Variants in ZNG1B observed in about 807,000 individuals in gnomAD.
The protein encoded by ZNG1B is zinc-regulated GTPase metalloprotein activator 1B.
chr2:113,487,266 G>T, the ZNG1B span, among the ~76,000 whole-genome samples: 1 of 151,942 alleles, frequency 6.6e-6, no homozygotes, highest in Non-Finnish European at 1.5e-5. Context: ...TAGGTGTGTA[G>T]TAGGTTATAC....
At chr2:113,490,701 C>A in the ZNG1B span, among the ~76,000 whole-genome samples, 1 of 152,004 alleles carries the variant, frequency 6.6e-6, no homozygotes, top group Admixed American at 6.6e-5. Context: ...ACTATGAACA[C>A]CTTTACATGC....
At chr2:113,487,870 T>C in the ZNG1B span, among the ~76,000 whole-genome samples, 1 of 151,764 alleles carries the variant, frequency 6.6e-6, no homozygotes, top group Non-Finnish European at 1.5e-5. Flanking sequence ...TGAACCTTTT[T>C]TTAGTCTGCT....
the ZNG1B span, among the ~76,000 whole-genome samples, chr2:113,492,198 T>A: frequency 7.1e-6 from 1 of 140,152 alleles, no homozygotes; most frequent in South Asian, 2.4e-4. Context: ...CGCATGTTTA[T>A]AGCAGCACAA....
At chr2:113,471,943 A>G in the ZNG1B span, among the ~76,000 whole-genome samples, 4 of 92,890 alleles carry the variant, frequency 4.3e-5, no homozygotes, top group Admixed American at 2.7e-4. Context: ...CAATAAACAT[A>G]TGTGTGCATA....
chr2:113,483,242 G>A, the ZNG1B span, among the ~76,000 whole-genome samples: 57 of 150,786 alleles, frequency 3.8e-4, no homozygotes, highest in African/African-American at 1.2e-3. Flanking sequence ...CAAACGCAGC[G>A]CTCACTTTCC....
At chr2:113,489,886 AT>A in the ZNG1B span, among the ~76,000 whole-genome samples, 1 of 148,056 alleles carries the variant, frequency 6.8e-6, no homozygotes, top group Non-Finnish European at 1.5e-5. Context: ...GACCTAAAAA[AT>A]TAGACAGACA....
the ZNG1B span, chr2:113,466,831 A>G: frequency 1.1e-6 from 1 of 941,408 alleles, no homozygotes; most frequent in African/African-American, 1.8e-5. Context: ...TTGGGAGGCC[A>G]AGGTGGGCGG....
At chr2:113,471,634 C>T in the ZNG1B span, among the ~76,000 whole-genome samples, 1 of 132,070 alleles carries the variant, frequency 7.6e-6, no homozygotes, top group Non-Finnish European at 1.6e-5. Flanking sequence ...CCTCCCCCCT[C>T]CCCCCAACCC....
At chr2:113,472,347 G>C in the ZNG1B span, among the ~76,000 whole-genome samples, 1 of 151,728 alleles carries the variant, frequency 6.6e-6, no homozygotes, top group South Asian at 2.1e-4. Context: ...TTTTTTTCTT[G>C]TAAATTTGTT....
At chr2:113,455,421 C>T in the ZNG1B span, 1 of 413,900 alleles carries the variant, frequency 2.4e-6, no homozygotes, top group African/African-American at 2.1e-5. Flanking sequence ...AAAAGACATC[C>T]TGCTATGAAT....
the ZNG1B span, chr2:113,469,873 A>T: frequency 6.6e-6 from 1 of 150,576 alleles, no homozygotes; most frequent in Non-Finnish European, 1.5e-5. Flanking sequence ...TTGTAAGAAA[A>T]TTTAACAAAT....
the ZNG1B span, chr2:113,445,068 G>T: frequency 2.5e-6 from 4 of 1,606,710 alleles, no homozygotes; most frequent in East Asian, 8.9e-5. Context: ...AAGAAGTGAG[G>T]TTGTTAATAA....
chr2:113,449,465 G>A, the ZNG1B span, among the ~76,000 whole-genome samples: 1 of 146,598 alleles, frequency 6.8e-6, no homozygotes, highest in Non-Finnish European at 1.5e-5. Flanking sequence ...GCCATTGTAG[G>A]ATATTAATTG....
chr2:113,474,180 A>T, the ZNG1B span, among the ~76,000 whole-genome samples: 2 of 152,146 alleles, frequency 1.3e-5, no homozygotes, highest in African/African-American at 4.8e-5. Flanking sequence ...TTATTGGTCT[A>T]TTCAGAGATT....
At chr2:113,464,843 C>T in the ZNG1B span, among the ~76,000 whole-genome samples, 32,997 of 150,968 alleles carry the variant, frequency 0.22, 4,044 homozygotes, top group East Asian at 0.52. Flanking sequence ...TAAAGTGAAG[C>T]GTCTTTTTAT....
chr2:113,446,407 A>G, the ZNG1B span, among the ~76,000 whole-genome samples: 1 of 152,242 alleles, frequency 6.6e-6, no homozygotes, highest in Admixed American at 6.5e-5. Flanking sequence ...AAATACCTAA[A>G]AAATACAAAG....
At chr2:113,445,480 C>T in the ZNG1B span, 1 of 177,122 alleles carries the variant, frequency 5.6e-6, no homozygotes, top group African/African-American at 2.4e-5. Context: ...TGCCTATAAC[C>T]TATGCACATC....
the ZNG1B span, among the ~76,000 whole-genome samples, chr2:113,481,029 T>C: frequency 6.6e-6 from 1 of 151,498 alleles, no homozygotes. Flanking sequence ...AGGGAAAAAA[T>C]CGAGGCCATG....
At chr2:113,444,860 G>C in the ZNG1B span, 3 of 1,484,178 alleles carry the variant, frequency 2.0e-6, no homozygotes, top group East Asian at 6.8e-5. Flanking sequence ...ACATTCCTAA[G>C]GGTACTTTTG....
Sources: gnomAD v4.1 joint callset for allele counts (sites outside exome capture counted in the v4.1 genomes callset) on GRCh38, gnomAD v4.1.1 for gene constraint, MANE v1.5 for transcripts, NCBI Gene and HGNC (gene_info 2026-07-23, HGNC 2026-07-21) for gene names.